Variants in FANCC observed in about 807,000 individuals in gnomAD.
FANCC encodes Fanconi anemia group C protein.
A neutral mutation model predicts 71.3 loss-of-function variants in FANCC; 55 were observed. The observed-to-expected ratio is 0.77, with a 90% CI of 0.62 to 0.97. The LOEUF is 0.97. Ranked by LOEUF, FANCC falls within the 50% of genes least tolerant of loss-of-function variation. The pLI, the probability that FANCC is intolerant of heterozygous loss-of-function variation, is 0.00. For missense variants in FANCC, 678 were observed against 670.9 expected, an observed-to-expected ratio of 1.01 and a Z score of -0.12; for synonymous variants, 275 against 244.9, an observed-to-expected ratio of 1.12 and a Z score of -1.15.
chr9:95,187,948 A>G (rs578140612), intron 4 of FANCC, among the ~76,000 whole-genome samples: 22 of 151,446 alleles, frequency 1.5e-4, no homozygotes, highest in African/African-American at 4.3e-4. Context: ...TTCAATGAGT[A>G]GTTCTGCCAC....
rs145386168 is a variant in FANCC, at chr9:95,262,059, G to A, written c.-78-12690C>T. Among the ~76,000 whole-genome samples the A allele has an allele frequency of 4.3e-4, 65 of 152,218 alleles. No homozygotes were observed. In the East Asian group the frequency reaches 8.7e-3, roughly 20 times the overall value. Reference sequence around the variant, plus strand: ...GCTCAAGAGTTTGGTTGCTTGTTAAGTACTATTTTATGAACTCAAATAGCC... The same window carrying A: ...GCTCAAGAGTTTGGTTGCTTGTTAAATACTATTTTATGAACTCAAATAGCC... On this transcript the variant is annotated intron_variant, in intron 1 of 14. Transcript: ENST00000289081.
rs1192919249 is a variant in FANCC, at chr9:95,171,278, T to A, written c.457-135A>T. 12 of 725,116 alleles carry A rather than the reference T, an allele frequency of 1.7e-5. No individual in the cohort carries two copies. The East Asian group carries it at 2.1e-4, about 13-fold the overall frequency. The allele number at this position is 725,116 out of a possible 1,614,324, so 44.9% of individuals were successfully genotyped here. ...CTTCTCATGTTTCACTCTGTCAGAGTGAAAAGGAAGCAGTGCCATGTCACA... is the reference window on the plus strand; with the variant it reads ...CTTCTCATGTTTCACTCTGTCAGAGAGAAAAGGAAGCAGTGCCATGTCACA... On this transcript the variant is annotated intron_variant, in intron 5 of 14. Transcript: ENST00000289081.
intron 4 of FANCC, among the ~76,000 whole-genome samples, chr9:95,184,140 A>T (rs1826561471): frequency 6.6e-6 from 1 of 152,096 alleles, no homozygotes; most frequent in Non-Finnish European, 1.5e-5. Context: ...TGTAAACATT[A>T]AAAAAATTTA....
intron 1 of FANCC, among the ~76,000 whole-genome samples, chr9:95,307,123 G>C (rs533795486): frequency 1.3e-5 from 2 of 152,110 alleles, no homozygotes; most frequent in Non-Finnish European, 2.9e-5. Context: ...GGGCTCAAGT[G>C]ATCTGCCCAC....
intron 1 of FANCC, among the ~76,000 whole-genome samples, chr9:95,288,083 C>G (rs887634527): frequency 6.6e-6 from 1 of 152,108 alleles, no homozygotes; most frequent in Non-Finnish European, 1.5e-5. Flanking sequence ...AATCTCTGTA[C>G]AGAACAAGTA....
intron 4 of FANCC, among the ~76,000 whole-genome samples, chr9:95,221,512 A>G (rs1249551374): frequency 6.6e-6 from 1 of 152,186 alleles, no homozygotes; most frequent in Non-Finnish European, 1.5e-5. Context: ...CAAAATGACA[A>G]ATCAGGAAAA....
intron 14 of FANCC, among the ~76,000 whole-genome samples, chr9:95,103,074 C>T (rs552460164): frequency 1.3e-5 from 2 of 152,230 alleles, no homozygotes; most frequent in African/African-American, 4.8e-5. Context: ...TGTCCTTCAT[C>T]AAGGAAACAA....
At chr9:95,205,349 A>T (rs1041874857) in intron 4 of FANCC, among the ~76,000 whole-genome samples, 29 of 152,160 alleles carry the variant, frequency 1.9e-4, no homozygotes, top group African/African-American at 7.0e-4. Flanking sequence ...GTGCCTATAT[A>T]AAATAGCAGC....
At chr9:95,300,250 G>A (rs939538386) in intron 1 of FANCC, among the ~76,000 whole-genome samples, 1 of 152,042 alleles carries the variant, frequency 6.6e-6, no homozygotes, top group Non-Finnish European at 1.5e-5. Context: ...GGGAAATCTG[G>A]TAATGGTAAG....
intron 1 of FANCC, among the ~76,000 whole-genome samples, chr9:95,300,047 A>G (rs1235477851): frequency 6.6e-6 from 1 of 152,236 alleles, no homozygotes; most frequent in Non-Finnish European, 1.5e-5. Flanking sequence ...GGGTCTACAC[A>G]CAAAAGCCAC....
intron 1 of FANCC, chr9:95,292,355 G>A (rs1299869184): frequency 2.1e-6 from 2 of 951,830 alleles, no homozygotes; most frequent in Non-Finnish European, 2.5e-6. Context: ...CCTCGGAGGC[G>A]GTGGCGGCGG....
chr9:95,135,533 C>T lies in FANCC; in HGVS notation c.687-31G>A, dbSNP rs201802092. ...AGAAAGAAATAAACAAAATTTTAAA[C>T]AGAAATGGCTCACTGAAAAAAGAAG... On this transcript the variant is annotated intron_variant, in intron 7 of 14. Transcript: ENST00000289081. 4.4e-6 allele frequency: 7 copies of T among 1,602,920 alleles called. No individual in the cohort carries two copies. The East Asian group carries it at 1.3e-4, about 31-fold the overall frequency.
Position 95,174,308 on chromosome 9 carries a change from T to A in FANCC, c.346-2161A>T, listed in dbSNP as rs577205699. Among the ~76,000 whole-genome samples the A allele has an allele frequency of 8.5e-5, 13 of 152,244 alleles. No homozygotes were observed. The South Asian group carries it at 2.5e-3, about 29-fold the overall frequency. On this transcript the variant is annotated intron_variant, in intron 4 of 14. Transcript: ENST00000289081. The stretch of plus-strand genomic sequence containing the variant: ...AGGGCCCAGGGCACTCTCTTCCACC[T>A]CTTATAAAATCACCAGTCTCATTCA...
intron 7 of FANCC, among the ~76,000 whole-genome samples, chr9:95,148,213 G>T (rs1347040313): frequency 1.3e-5 from 2 of 152,132 alleles, no homozygotes; most frequent in East Asian, 3.8e-4. Flanking sequence ...TTTTAAAAAA[G>T]AATTCTGTAC....
Position 95,253,998 on chromosome 9 carries a change from T to A in FANCC, c.-78-4629A>T, listed in dbSNP as rs528805303. ...GCTCAACCAGTGATGCTCACTGGCC[T>A]ACTACTTACCTCCTGCTGTATGGTC... On this transcript the variant is annotated intron_variant, in intron 1 of 14. Coordinates refer to ENST00000289081, the MANE Select transcript of FANCC (RefSeq NM_000136.3). 2.0e-5 allele frequency among the ~76,000 whole-genome samples: 3 copies of A among 152,324 alleles called. No homozygotes were observed. In the East Asian group the frequency reaches 5.8e-4, roughly 29 times the overall value.
intron 4 of FANCC, among the ~76,000 whole-genome samples, chr9:95,201,486 C>T (rs1031133676): frequency 3.9e-5 from 6 of 152,118 alleles, no homozygotes; most frequent in African/African-American, 1.4e-4. Flanking sequence ...AGTCTTGAAG[C>T]CCACACTTAT....
At chr9:95,255,301 G>A (rs1831594107) in intron 1 of FANCC, among the ~76,000 whole-genome samples, 1 of 152,070 alleles carries the variant, frequency 6.6e-6, no homozygotes, top group Non-Finnish European at 1.5e-5. Flanking sequence ...ACCTCATACA[G>A]GAGAGCTCCG....
At chr9:95,263,674 C>T (rs371212588) in intron 1 of FANCC, among the ~76,000 whole-genome samples, 6 of 152,184 alleles carry the variant, frequency 3.9e-5, no homozygotes, top group East Asian at 3.9e-4. Context: ...CTCTTGACAA[C>T]GCCACCGCAC....
At chr9:95,295,967 T>C (rs1055220775) in intron 1 of FANCC, among the ~76,000 whole-genome samples, 1 of 152,166 alleles carries the variant, frequency 6.6e-6, no homozygotes, top group Non-Finnish European at 1.5e-5. Context: ...AGAGCTTATA[T>C]TAAGTGTTCT....
Sources: gnomAD v4.1 joint callset for allele counts (sites outside exome capture counted in the v4.1 genomes callset) on GRCh38, gnomAD v4.1.1 for gene constraint, MANE v1.5 for transcripts, NCBI Gene and HGNC (gene_info 2026-07-23, HGNC 2026-07-21) for gene names.